Variants in PFKFB1 observed in about 807,000 individuals in gnomAD.
PFKFB1 encodes 6-phosphofructo-2-kinase/fructose-2,6-biphosphatase 1, also known as 6-phosphofructo-2-kinase/fructose-2,6-bisphosphatase 1.
PFKFB1 carries 34 observed loss-of-function variants against 46.4 expected under a neutral mutation model. The ratio of observed to expected loss-of-function variants is 0.73; its 90% confidence interval spans 0.56 to 0.98. The LOEUF is 0.98. PFKFB1 is among the 50% of genes least tolerant of loss of function. The probability of loss-of-function intolerance (pLI) is 0.00; values close to 1 mark genes in which losing one functional copy is unlikely to be tolerated. For synonymous variants in PFKFB1, 119 were observed against 133.8 expected (o/e 0.89, Z 0.76); for missense variants, 393 against 376.3 (o/e 1.04, Z -0.37).
intron 1 of PFKFB1, among the ~76,000 whole-genome samples, chrX:54,972,534 G>GT (rs1195319583): frequency 1.8e-5 from 2 of 111,518 alleles, no homozygotes; most frequent in African/African-American, 6.5e-5. Flanking sequence ...TTTATTGAGA[G>GT]TTTTTAGCAT....
chrX:54,956,388 A>G (rs1934141014), intron 6 of PFKFB1, 114 bp from the exon 7 acceptor site: 1 of 905,933 alleles, frequency 1.1e-6, no homozygotes. Flanking sequence ...AAGATGAGGA[A>G]ATTGAGACCT....
chrX:54,972,773 C>T (rs183456563), intron 1 of PFKFB1, among the ~76,000 whole-genome samples: 2,233 of 111,563 alleles, frequency 0.02, 21 homozygotes, highest in Non-Finnish European at 0.029. Flanking sequence ...CATCAATGTT[C>T]ATCAAGGATA....
intron 11 of PFKFB1, among the ~76,000 whole-genome samples, chrX:54,936,639 T>A (rs1431090815): frequency 1.8e-5 from 2 of 111,474 alleles, no homozygotes; most frequent in Non-Finnish European, 3.8e-5. Flanking sequence ...AAAGTAAAGA[T>A]GTGAACAGAG....
At chrX:54,970,113 T>C (rs1934604415) in intron 1 of PFKFB1, among the ~76,000 whole-genome samples, 1 of 110,655 alleles carries the variant, frequency 9.0e-6, no homozygotes, top group South Asian at 3.9e-4. Flanking sequence ...TTCACCATGT[T>C]GGCCAGGCTG....
chrX:54,934,228 A>G (rs1933314085), intron 12 of PFKFB1, among the ~76,000 whole-genome samples: 1 of 112,112 alleles, frequency 8.9e-6, no homozygotes, highest in Non-Finnish European at 1.9e-5. Context: ...TCTATGTAAT[A>G]TTGATGTAGC....
intron 10 of PFKFB1, among the ~76,000 whole-genome samples, chrX:54,944,706 A>G (rs970453398): frequency 5.4e-5 from 6 of 112,123 alleles, no homozygotes; most frequent in African/African-American, 1.9e-4. Context: ...AATTTTGTAT[A>G]CCTCTAATAA....
chrX:54,998,579 G>A, upstream of PFKFB1: 1 of 476,386 alleles, frequency 2.1e-6, no homozygotes, highest in Non-Finnish European at 3.6e-6. Flanking sequence ...GGATGTATGT[G>A]CTCTGTTGAA....
At chrX:54,970,071 G>C (rs1934602086) in intron 1 of PFKFB1, among the ~76,000 whole-genome samples, 1 of 110,642 alleles carries the variant, frequency 9.0e-6, no homozygotes, top group Admixed American at 9.6e-5. Context: ...ACCACACTTG[G>C]CTAATTTTTG....
intron 1 of PFKFB1, among the ~76,000 whole-genome samples, chrX:54,985,696 T>C (rs1337750571): frequency 1.8e-5 from 2 of 110,441 alleles, no homozygotes; most frequent in African/African-American, 3.3e-5. Context: ...ATAATACTTA[T>C]AATGATGTAT....
intron 10 of PFKFB1, among the ~76,000 whole-genome samples, chrX:54,940,868 C>T (rs1028141052): frequency 6.3e-5 from 7 of 111,739 alleles, no homozygotes; most frequent in Non-Finnish European, 1.1e-4. Flanking sequence ...CAATGCCTTT[C>T]TTCACAGAAT....
In PFKFB1 at chrX:54,945,527, A is replaced by G; in HGVS notation, c.1010T>C (p.Met337Thr). ...NEIDAGVCEE[M>T]TYEEIQEHYP... ...ATGTTCCTGGATTTCTTCATAGGTCATCTCCTCACAGACACCCTGAGAAAA... is the reference window on the plus strand; with the variant it reads ...ATGTTCCTGGATTTCTTCATAGGTCGTCTCCTCACAGACACCCTGAGAAAA... The change falls in exon 10 of 14, where the codon ATG becomes ACG. Residue 337 changes from methionine to threonine, a missense_variant. Physicochemically the swap from Met to Thr is moderately conservative, Grantham distance 81 (BLOSUM62 -1). Transcript: ENST00000375006. 1.7e-6 allele frequency: 2 copies of G among 1,174,848 alleles called. No individual in the cohort carries two copies. Among genetic ancestry groups the G allele is most frequent in the East Asian group, 3.0e-5 (1 of 33,605 alleles).
chrX:54,933,252 A>C lies in PFKFB1; in HGVS notation c.*151T>G, dbSNP rs759127977. ...GATAGCTCCTTGGTTGCGGCCAGCA[A>C]GCGAGGCTTGTTTGGGAGTTGCGGA... is the stretch of plus-strand genomic sequence containing the variant. On this transcript the variant is annotated 3_prime_UTR_variant, in exon 14 of 14. Coordinates refer to ENST00000375006, the MANE Select transcript of PFKFB1 (RefSeq NM_002625.4). 2.7e-5 allele frequency: 13 copies of C among 477,034 alleles called. No individual in the cohort carries two copies. Among genetic ancestry groups the C allele is most frequent in the Admixed American group, 7.0e-5 (2 of 28,530 alleles). The allele number at this position is 477,034 out of a possible 1,213,427, so 39.3% of individuals were successfully genotyped here. A position where few individuals can be genotyped will look rare whatever the true frequency, so the allele number is the denominator to read the frequency against.
chrX:54,992,726 G>C (rs1028691817), intron 1 of PFKFB1, among the ~76,000 whole-genome samples: 2 of 111,911 alleles, frequency 1.8e-5, no homozygotes, highest in Non-Finnish European at 3.8e-5. Context: ...GAGGACCCGT[G>C]TATGCAGAGA....
intron 9 of PFKFB1, 37 bp downstream of exon 9, chrX:54,949,038 A>AC (rs1933883763): frequency 1.7e-6 from 2 of 1,193,731 alleles, no homozygotes; most frequent in Non-Finnish European, 2.3e-6. Context: ...GACTCAAGTC[A>AC]CCCCCACACA....
intron 1 of PFKFB1, among the ~76,000 whole-genome samples, chrX:54,969,872 TTGTC>T (rs765430613): frequency 2.7e-5 from 3 of 112,091 alleles, no homozygotes; most frequent in Non-Finnish European, 5.6e-5. Context: ...CATAATATGA[TTGTC>T]TGTGTAGAAA....
At chrX:54,959,987 T>A in intron 3 of PFKFB1, 94 bp from the exon 4 acceptor site, 2 of 611,190 alleles carry the variant, frequency 3.3e-6, no homozygotes, top group South Asian at 2.4e-5. Context: ...CCATCTCTCA[T>A]GTCTTAGACT....
intron 1 of PFKFB1, among the ~76,000 whole-genome samples, chrX:54,976,202 A>C (rs893250990): frequency 9.0e-6 from 1 of 111,679 alleles, no homozygotes; most frequent in Non-Finnish European, 1.9e-5. Context: ...GGAATGAAAA[A>C]TGCCACAGAA....
intron 11 of PFKFB1, among the ~76,000 whole-genome samples, chrX:54,936,801 C>T (rs2146588097): frequency 9.0e-6 from 1 of 111,724 alleles, no homozygotes; most frequent in African/African-American, 3.3e-5. Context: ...TTACAGTGTT[C>T]TTTATTTTCA....
intron 6 of PFKFB1, 139 bp from the exon 7 acceptor site, chrX:54,956,413 G>A (rs765568112): frequency 1.3e-6 from 1 of 747,822 alleles, no homozygotes; most frequent in East Asian, 3.6e-5. Context: ...AACACATCTT[G>A]CCCAAGTTTA....
Sources: gnomAD v4.1 joint callset for allele counts (sites outside exome capture counted in the v4.1 genomes callset) on GRCh38, gnomAD v4.1.1 for gene constraint, MANE v1.5 for transcripts, NCBI Gene and HGNC (gene_info 2026-07-23, HGNC 2026-07-21) for gene names.